ZNF862: variants seen among roughly 807,000 people sequenced by gnomAD.
The protein encoded by ZNF862 is zinc finger protein 862.
In ZNF862, 64 loss-of-function variants were observed where a neutral mutation model predicts 91.1. That is an observed-to-expected ratio of 0.70 (90% CI 0.57 to 0.87). The LOEUF (loss-of-function observed/expected upper bound fraction) is 0.87, where lower values mean the gene tolerates loss of function less well. ZNF862 is among the 40% of genes least tolerant of loss of function. The pLI, the probability that ZNF862 is intolerant of heterozygous loss-of-function variation, is 0.00. For synonymous variants in ZNF862, 631 were observed against 618.1 expected (o/e 1.02, Z -0.31); for missense variants, 1,459 against 1,528.0 (o/e 0.95, Z 0.75).
chr7:149,860,301 T>C lies in ZNF862; in HGVS notation c.1223-82T>C, dbSNP rs1470339104. On this transcript the variant is annotated intron_variant, in intron 6 of 7. Transcript: ENST00000223210. ...CTCTGCCTTGCTTAAGGGATACTTA[T>C]TAAATTTGGGGGTGTCTTAGCTGAT... is the stretch of plus-strand genomic sequence containing the variant. 4 of 1,283,624 alleles carry C rather than the reference T, an allele frequency of 3.1e-6. No homozygotes were observed. In the Admixed American group the frequency reaches 7.4e-5, roughly 24 times the overall value. The allele number at this position is 1,283,624 out of a possible 1,614,324, so 79.5% of individuals were successfully genotyped here.
chr7:149,864,453 C>A lies in ZNF862; in HGVS notation c.*169C>A. On this transcript the variant is annotated 3_prime_UTR_variant, in exon 8 of 8. Transcript: ENST00000223210. ...GCAGGGGTATCAGGAGGTGCATGAC[C>A]TGTTTCCTGAGGCCCCACTCAGCAC... The A allele has an allele frequency of 1.5e-6, 1 of 658,892 alleles. No homozygotes were observed. Among genetic ancestry groups the A allele is most frequent in the Non-Finnish European group, 2.5e-6 (1 of 394,590 alleles). The allele number at this position is 658,892 out of a possible 1,614,324, so 40.8% of individuals were successfully genotyped here. A position where few individuals can be genotyped will look rare whatever the true frequency, so the allele number is the denominator to read the frequency against.
At chr7:149,859,121 T>TC (rs1050324111) in intron 5 of ZNF862, 1 of 424,524 alleles carries the variant, frequency 2.4e-6, no homozygotes, top group Non-Finnish European at 4.4e-6. Flanking sequence ...GGCTGCTGTT[T>TC]CCCCCTGCCT....
rs1171990376 is a variant in ZNF862 at position 149,861,585 on chromosome 7, A to G, written c.2425A>G (p.Arg809Gly). ...ALLVSWPALA[R>G]HLQRVAEAGG... ...GCTCGTGAGCTGGCCCGCCCTGGCC[A>G]GGCACCTCCAGAGGGTGGCAGAGGC... The change falls in exon 7 of 8, where the codon AGG (arginine) becomes GGG (glycine). Residue 809 changes from arginine (R) to glycine (G), a missense_variant. Coordinates refer to ENST00000223210, the MANE Select transcript of ZNF862 (RefSeq NM_001099220.3). This position sits in a 1 kb window ranked among gnomAD's most constrained non-coding sequence, Gnocchi z 6.7. 6.3e-7 allele frequency: 1 copy of G among 1,597,208 alleles called. No individual in the cohort carries two copies. Among genetic ancestry groups the G allele is most frequent in the Non-Finnish European group, 8.5e-7 (1 of 1,174,128 alleles).
chr7:149,848,394 A>G lies in ZNF862; in HGVS notation c.901A>G (p.Asn301Asp), dbSNP rs1283154692. 1.3e-6 allele frequency: 2 copies of G among 1,582,990 alleles called. No homozygotes were observed. Among genetic ancestry groups the G allele is most frequent in the East Asian group, 4.5e-5 (2 of 44,176 alleles). ...TDGIHSSSDINILYNDAVESC... is the reference protein window; with the variant it reads ...TDGIHSSSDIDILYNDAVESC... ...TGGCATCCACAGCTCCTCAGACATT[A>G]ATATTTTATATAATGATGCAGTAGA... Residue 301 changes from asparagine to aspartate, a missense_variant, in exon 4 of 8, where the codon AAT becomes GAT. Asn to Asp is a conservative substitution (Grantham distance 23, BLOSUM62 1). Coordinates refer to ENST00000223210, the MANE Select transcript of ZNF862 (RefSeq NM_001099220.3).
chr7:149,863,558 G>C (rs1802596458), intron 7 of ZNF862, among the ~76,000 whole-genome samples: 1 of 152,252 alleles, frequency 6.6e-6, no homozygotes, highest in South Asian at 2.1e-4. Context: ...AGAGGGCTGG[G>C]TGAGTTGCTC....
chr7:149,857,711 G>A (rs1258405743), intron 5 of ZNF862, among the ~76,000 whole-genome samples: 1 of 152,166 alleles, frequency 6.6e-6, no homozygotes, highest in African/African-American at 2.4e-5. Flanking sequence ...TTCACTGTAG[G>A]ATGACCAGTT....
intron 7 of ZNF862, 66 bp downstream of exon 7, chr7:149,862,560 AC>A: frequency 1.4e-6 from 2 of 1,470,400 alleles, no homozygotes; most frequent in Non-Finnish European, 1.8e-6. Context: ...ATAAGACAGG[AC>A]TGCAGGTGCC....
Position 149,860,432 on chromosome 7 carries a change from T to G in ZNF862, c.1272T>G (p.Ala424=), listed in dbSNP as rs564572995. The G allele has an allele frequency of 6.2e-7, 1 of 1,613,852 alleles. No homozygotes were observed. Among genetic ancestry groups the G allele is most frequent in the South Asian group, 1.1e-5 (1 of 91,064 alleles). ...AVREADTQAS[A]ADSALLPGSP... is the part of the protein sequence containing the mutation. ...GAGAGGCAGACACACAGGCCTCGGC[T>G]GCAGACTCCGCGTTGCTTCCAGGCT... The change falls in exon 7 of 8, where the codon GCT becomes GCG. Residue 424 remains alanine (A), a synonymous_variant. Coordinates refer to ENST00000223210, the MANE Select transcript of ZNF862 (RefSeq NM_001099220.3).
At chr7:149,839,651 T>A (rs890087638) in intron 1 of ZNF862, among the ~76,000 whole-genome samples, 3 of 152,154 alleles carry the variant, frequency 2.0e-5, no homozygotes, top group African/African-American at 7.2e-5. Flanking sequence ...CTGGGAAGAC[T>A]AGGAAGGACT....
In ZNF862 at chr7:149,865,485, C is replaced by A. The variant is rs1468126554; in HGVS notation, c.*1201C>A. 3 of 151,956 alleles carry A rather than the reference C, an allele frequency of 2.0e-5. No individual in the cohort carries two copies. The highest frequency in any genetic ancestry group is 4.4e-5 in the Non-Finnish European group (3 of 68,068). The allele number at this position is 151,956 out of a possible 1,614,324, so 9.4% of individuals were successfully genotyped here. On this transcript the variant is annotated 3_prime_UTR_variant, in exon 8 of 8. Transcript: ENST00000223210. Reference sequence around the variant, plus strand: ...TAGCTTCAGAACCACAGAACCACCGCCCTAGAGGCACAGAGGGGCTTCTGG... The same window carrying A: ...TAGCTTCAGAACCACAGAACCACCGACCTAGAGGCACAGAGGGGCTTCTGG...
Position 149,860,967 on chromosome 7 carries a change from A to G in ZNF862, c.1807A>G (p.Ile603Val), listed in dbSNP as rs371675124. 1 of 1,613,634 alleles carries G rather than the reference A, an allele frequency of 6.2e-7. No individual in the cohort carries two copies. The highest frequency in any genetic ancestry group is 1.1e-5 in the South Asian group (1 of 91,002). ...YRNRTACTQF[I>V]KYISETLKRE... ...CAATCGCACGGCGTGCACTCAGTTC[A>G]TCAAGTACATCTCAGAGACCCTGAA... The change falls in exon 7 of 8, where the codon ATC (isoleucine) becomes GTC (valine). Residue 603 changes from isoleucine (I) to valine (V), a missense_variant. Transcript: ENST00000223210.
rs757086019 is a variant in ZNF862, at chr7:149,857,701, T to C, written c.1118-1721T>C. 5.9e-5 allele frequency among the ~76,000 whole-genome samples: 9 copies of C among 152,322 alleles called. 1 individual carries two copies. In the South Asian group the frequency reaches 6.2e-4, roughly 11 times the overall value. On this transcript the variant is annotated intron_variant, in intron 5 of 7. Coordinates refer to ENST00000223210, the MANE Select transcript of ZNF862 (RefSeq NM_001099220.3). ...GAAGCATCAAGAGTAGGTTTCACTTTTCACTGTAGGATGACCAGTTCTTCT... is the reference window on the plus strand; with the variant it reads ...GAAGCATCAAGAGTAGGTTTCACTTCTCACTGTAGGATGACCAGTTCTTCT...
chr7:149,862,427 G>GTCACGGGCAGGCCCCACAGACAACGCC lies in ZNF862; in HGVS notation c.3267_3268insTCACGGGCAGGCCCCACAGACAACGCC (p.Leu1089_Thr1090insSerArgAlaGlyProThrAspAsnAla). 1 of 1,612,346 alleles carries GTCACGGGCAGGCCCCACAGACAACGCC rather than the reference G, an allele frequency of 6.2e-7. No individual in the cohort carries two copies. ...AGCCCGCCATCCAGCACTGGTACCT[G>GTCACGGGCAGGCCCCACAGACAACGCC]ACCTCCTCAGGCCGGCGTTTCAGCC... On this transcript the variant is annotated inframe_insertion, in exon 7 of 8. Transcript: ENST00000223210.
At position 149,866,379 on chromosome 7, in the gene ZNF862, G is replaced by C. The variant is rs1209643613; in HGVS notation, c.*2095G>C. The C allele has an allele frequency of 1.3e-5, 2 of 152,260 alleles. No individual in the cohort carries two copies. Among genetic ancestry groups the C allele is most frequent in the Non-Finnish European group, 2.9e-5 (2 of 68,064 alleles). The allele number at this position is 152,260 out of a possible 1,614,324, so 9.4% of individuals were successfully genotyped here. On this transcript the variant is annotated 3_prime_UTR_variant, in exon 8 of 8. Coordinates refer to ENST00000223210, the MANE Select transcript of ZNF862 (RefSeq NM_001099220.3). ...AACTCGTGGAAAGGGAGGGAGAAAG[G>C]CTTTTTTAGGTGGGGCTATAGCCTC...
rs1802728002 is a variant in ZNF862, at chr7:149,866,426, A to C, written c.*2142A>C. On this transcript the variant is annotated 3_prime_UTR_variant, in exon 8 of 8. Transcript: ENST00000223210. ...CCTCTGCCCTACCCACAGGGATTCC[A>C]CATCAAGGTGCTGTTCCAGCACACA... 1 of 152,202 alleles carries C rather than the reference A, an allele frequency of 6.6e-6. No homozygotes were observed. The highest frequency in any genetic ancestry group is 6.5e-5 in the Admixed American group (1 of 15,278). The allele number at this position is 152,202 out of a possible 1,614,324, so 9.4% of individuals were successfully genotyped here.
In ZNF862 at chr7:149,860,987, C is replaced by T. The variant is rs751119640; in HGVS notation, c.1827C>T (p.Thr609=). Residue 609 remains threonine (T), a synonymous_variant, in exon 7 of 8, where the codon ACC becomes ACT. Transcript: ENST00000223210. The part of the protein sequence containing the change: ...CTQFIKYISE[T]LKREILEDVR... ...AGTTCATCAAGTACATCTCAGAGAC[C>T]CTGAAGAGGGAGATCCTGGAGGACG... 82 of 1,613,292 alleles carry T rather than the reference C, an allele frequency of 5.1e-5. No individual in the cohort carries two copies. The highest frequency in any genetic ancestry group is 6.4e-5 in the Non-Finnish European group (75 of 1,179,788).
At chr7:149,852,353 G>GTT (rs1554448308) in intron 5 of ZNF862, among the ~76,000 whole-genome samples, 2 of 135,454 alleles carry the variant, frequency 1.5e-5, no homozygotes, top group African/African-American at 5.1e-5. Context: ...GTGTGTGTGT[G>GTT]TGTGTGTGTG....
intron 1 of ZNF862, among the ~76,000 whole-genome samples, chr7:149,841,885 C>T (rs2128935452): frequency 6.6e-6 from 1 of 152,208 alleles, no homozygotes; most frequent in African/African-American, 2.4e-5. Flanking sequence ...AATTACCATG[C>T]ATCAAGCACA....
intron 1 of ZNF862, among the ~76,000 whole-genome samples, chr7:149,839,000 G>C (rs1480049209): frequency 1.3e-5 from 2 of 152,246 alleles, no homozygotes; most frequent in Non-Finnish European, 2.9e-5. Context: ...GCCAGTGGGA[G>C]CTGCAGGGTG....
Sources: allele counts gnomAD v4.1 joint callset (sites outside exome capture counted in the v4.1 genomes callset), GRCh38; gene constraint gnomAD v4.1.1; non-coding constraint Gnocchi (gnomAD v3.1); transcripts MANE v1.5; gene names NCBI Gene and HGNC (gene_info 2026-07-23, HGNC 2026-07-21).